Variants in CACNG3 observed in about 807,000 individuals in gnomAD.
CACNG3 encodes the protein calcium voltage-gated channel auxiliary subunit gamma 3.
A neutral mutation model predicts 28.5 loss-of-function variants in CACNG3; 3 were observed. The ratio of observed to expected loss-of-function variants is 0.11; its 90% CI spans 0.05 to 0.27. The LOEUF (loss-of-function observed/expected upper bound fraction) is 0.27, where lower values mean the gene tolerates loss of function less well. Ranked by LOEUF, CACNG3 falls within the 10% of genes least tolerant of loss-of-function variation. The pLI is 1.00. For synonymous variants in CACNG3, 174 were observed against 162.2 expected, an observed-to-expected ratio of 1.07 and a Z score of -0.55; for missense variants, 236 against 414.4, an observed-to-expected ratio of 0.57 and a Z score of 3.74.
intron 1 of CACNG3, among the ~76,000 whole-genome samples, chr16:24,277,249 C>A (rs999877228): frequency 6.6e-6 from 1 of 152,108 alleles, no homozygotes; most frequent in Admixed American, 6.6e-5. Flanking sequence ...CTAGGAATGA[C>A]CTTGAGGATT....
At chr16:24,288,942 G>T (rs896898861) in intron 1 of CACNG3, among the ~76,000 whole-genome samples, 12 of 152,030 alleles carry the variant, frequency 7.9e-5, no homozygotes, top group African/African-American at 2.9e-4. Context: ...GACCTGAAGG[G>T]TATGGTGACT....
At chr16:24,287,146 A>G (rs1184592866) in intron 1 of CACNG3, among the ~76,000 whole-genome samples, 1 of 152,208 alleles carries the variant, frequency 6.6e-6, no homozygotes, top group African/African-American at 2.4e-5. Flanking sequence ...AAACTGAAGC[A>G]ATTAAGAGAC....
At chr16:24,259,377 G>C (rs955443028) in intron 1 of CACNG3, among the ~76,000 whole-genome samples, 1 of 152,222 alleles carries the variant, frequency 6.6e-6, no homozygotes, top group African/African-American at 2.4e-5. Flanking sequence ...GTCACATGCA[G>C]TTGGTAGCAT....
chr16:24,280,980 G>A (rs1291651048), intron 1 of CACNG3, among the ~76,000 whole-genome samples: 4 of 149,518 alleles, frequency 2.7e-5, no homozygotes, highest in Non-Finnish European at 5.9e-5. Context: ...CTTAAGAATG[G>A]GGAGACAGAA....
At chr16:24,351,681 A>G (rs1285257411) in intron 2 of CACNG3, among the ~76,000 whole-genome samples, 10 of 144,478 alleles carry the variant, frequency 6.9e-5, no homozygotes, top group African/African-American at 2.6e-4. Flanking sequence ...AAAGAAAGAA[A>G]GAAGGAAAGA....
rs1483256692 is a variant in CACNG3, at chr16:24,337,798, C to A, written c.212-8936C>A. Among the ~76,000 whole-genome samples, 9 of 151,840 alleles carry A rather than the reference C, an allele frequency of 5.9e-5. No homozygotes were observed. The East Asian group carries it at 1.6e-3, about 26-fold the overall frequency. ...TTTCAGTTACCCCAAATCTGGTGGT[C>A]TCAAGGTTACTCCCTACCCTAAGAA... On this transcript the variant is annotated intron_variant, in intron 1 of 3. Transcript: ENST00000005284.
At chr16:24,325,685 T>C (rs999897037) in intron 1 of CACNG3, among the ~76,000 whole-genome samples, 8 of 152,262 alleles carry the variant, frequency 5.3e-5, no homozygotes, top group Admixed American at 3.3e-4. Flanking sequence ...GTAGAGTTTA[T>C]GAGCTTCTTT....
chr16:24,349,849 A>C (rs1899917542), intron 2 of CACNG3, among the ~76,000 whole-genome samples: 1 of 152,172 alleles, frequency 6.6e-6, no homozygotes, highest in Admixed American at 6.5e-5. Flanking sequence ...CCCCTATTCA[A>C]GATGGAGTCG....
intron 1 of CACNG3, among the ~76,000 whole-genome samples, chr16:24,269,226 C>T (rs1444803160): frequency 6.6e-6 from 1 of 152,194 alleles, no homozygotes. Context: ...CAGCCTAGAA[C>T]CACAACCTGT....
At chr16:24,314,052 T>C (rs1899313456) in intron 1 of CACNG3, among the ~76,000 whole-genome samples, 1 of 152,166 alleles carries the variant, frequency 6.6e-6, no homozygotes, top group Non-Finnish European at 1.5e-5. Context: ...CCTTATGTTT[T>C]TAAAAACGTT....
chr16:24,348,449 G>T (rs958186805), intron 2 of CACNG3, among the ~76,000 whole-genome samples: 1 of 152,118 alleles, frequency 6.6e-6, no homozygotes, highest in Non-Finnish European at 1.5e-5. Flanking sequence ...GTCAGATGCA[G>T]CATTATTAGG....
At chr16:24,345,367 T>C (rs1230096850) in intron 1 of CACNG3, among the ~76,000 whole-genome samples, 1 of 152,038 alleles carries the variant, frequency 6.6e-6, no homozygotes, top group Non-Finnish European at 1.5e-5. Context: ...CAGAGACTGG[T>C]TAACTGTCTA....
intron 1 of CACNG3, among the ~76,000 whole-genome samples, chr16:24,292,048 T>C (rs1898975030): frequency 6.6e-6 from 1 of 151,594 alleles, no homozygotes; most frequent in Non-Finnish European, 1.5e-5. Context: ...ATTGACGAGG[T>C]AAGAACGTTA....
intron 1 of CACNG3, among the ~76,000 whole-genome samples, chr16:24,303,481 A>C (rs917358678): frequency 6.6e-6 from 1 of 152,018 alleles, no homozygotes; most frequent in Non-Finnish European, 1.5e-5. Flanking sequence ...TGAGCTACTG[A>C]ACCTGTCCTA....
intron 1 of CACNG3, among the ~76,000 whole-genome samples, chr16:24,312,635 C>T (rs1305063184): frequency 1.3e-5 from 2 of 151,936 alleles, no homozygotes; most frequent in Admixed American, 6.6e-5. Flanking sequence ...GGTAAACATA[C>T]CAAGACTCTG....
intron 1 of CACNG3, among the ~76,000 whole-genome samples, chr16:24,279,596 C>T (rs1008883659): frequency 6.6e-6 from 1 of 152,152 alleles, no homozygotes; most frequent in Admixed American, 6.5e-5. Context: ...TGACCCAGTT[C>T]GCCCAACTGA....
chr16:24,326,727 C>G (rs12596154), intron 1 of CACNG3, among the ~76,000 whole-genome samples: 17,678 of 152,200 alleles, frequency 0.12, 1,326 homozygotes, highest in Middle Eastern at 0.16. Flanking sequence ...TCACCTCACT[C>G]TCTGCACAGG....
intron 2 of CACNG3, among the ~76,000 whole-genome samples, chr16:24,348,586 T>C (rs1899900689): frequency 6.6e-6 from 1 of 152,164 alleles, no homozygotes; most frequent in Admixed American, 6.6e-5. Context: ...TAAAAGGACT[T>C]GCGTTACTCA....
At chr16:24,340,889 C>T (rs926432592) in intron 1 of CACNG3, among the ~76,000 whole-genome samples, 3 of 152,218 alleles carry the variant, frequency 2.0e-5, no homozygotes, top group African/African-American at 7.2e-5. Context: ...CCGGATCCGT[C>T]ACCCAGACCA....
Sources: gnomAD v4.1 joint callset for allele counts (sites outside exome capture counted in the v4.1 genomes callset) on GRCh38, gnomAD v4.1.1 for gene constraint, MANE v1.5 for transcripts, NCBI Gene and HGNC (gene_info 2026-07-23, HGNC 2026-07-21) for gene names.